The following NCS1 variants were observed in gnomAD, a reference collection of about 807,000 sequenced individuals.
NCS1 encodes neuronal calcium sensor 1, also known as frequenin homolog.
A neutral mutation model predicts 28.4 loss-of-function variants in NCS1; 6 were observed. That is an observed-to-expected ratio of 0.21 (90% CI 0.12 to 0.42). The LOEUF is 0.42. NCS1 is among the 10% of genes least tolerant of loss of function. The pLI, the probability that NCS1 is intolerant of heterozygous loss-of-function variation, is 1.00. For missense variants in NCS1, 131 were observed against 241.4 expected, an observed-to-expected ratio of 0.54 and a Z score of 3.03; for synonymous variants, 86 against 99.3, an observed-to-expected ratio of 0.87 and a Z score of 0.79.
chr9:130,212,532 C>T (rs73545575), intron 2 of NCS1, among the ~76,000 whole-genome samples: 2,118 of 149,648 alleles, frequency 0.014, 49 homozygotes, highest in African/African-American at 0.05. Flanking sequence ...ACAGGGAAAC[C>T]GAGGGGCGTT....
intron 1 of NCS1, among the ~76,000 whole-genome samples, chr9:130,195,168 C>T (rs1554906681): frequency 1.3e-5 from 2 of 152,222 alleles, no homozygotes; most frequent in African/African-American, 4.8e-5. Flanking sequence ...CAAACCAAGG[C>T]TCAGAGATGC....
chr9:130,196,341 G>GCTGCATCTGTCCCCTCT (rs1350017817), intron 1 of NCS1, among the ~76,000 whole-genome samples: 1 of 152,258 alleles, frequency 6.6e-6, no homozygotes, highest in Non-Finnish European at 1.5e-5. Flanking sequence ...CCCCGGCTCT[G>GCTGCATCTGTCCCCTCT]CTGCATCTGT....
Position 130,177,492 on chromosome 9 carries a change from G to A in NCS1, c.64+4765G>A, listed in dbSNP as rs1248089143. 1.3e-5 allele frequency among the ~76,000 whole-genome samples: 2 copies of A among 152,196 alleles called. No homozygotes were observed. Among genetic ancestry groups the A allele is most frequent in the East Asian group, 1.9e-4 (1 of 5,190 alleles). On this transcript the variant is annotated intron_variant, in intron 1 of 7. Coordinates refer to ENST00000372398, the MANE Select transcript of NCS1 (RefSeq NM_014286.4). The surrounding 1 kb of genome is among the most constrained non-coding windows in gnomAD (Gnocchi z 4.4). ...CCAAAGCAAGGGAGGGGCTTCGGCC[G>A]TCCCTGTACATCCCGTGTGCGTGGG... is the stretch of plus-strand genomic sequence containing the variant.
At chr9:130,203,897 G>A (rs892247104) in intron 2 of NCS1, among the ~76,000 whole-genome samples, 4 of 152,174 alleles carry the variant, frequency 2.6e-5, no homozygotes, top group African/African-American at 9.7e-5. Context: ...TCCCACACCT[G>A]GGCCTTCTCC....
chr9:130,172,980 C>T (rs1316386979), intron 1 of NCS1, among the ~76,000 whole-genome samples: 1 of 151,848 alleles, frequency 6.6e-6, no homozygotes, highest in African/African-American at 2.4e-5. Flanking sequence ...CCCCTAGGTC[C>T]GGAGGGGCAG....
At position 130,219,596 on chromosome 9, in the gene NCS1, C is replaced by G; in HGVS notation, c.229-129C>G. The G allele has an allele frequency of 1.2e-6, 1 of 816,148 alleles. No individual in the cohort carries two copies. 50.6% of individuals were successfully genotyped at this position (816,148 alleles called of 1,614,324 possible). A position where few individuals can be genotyped will look rare whatever the true frequency, so the allele number is the denominator to read the frequency against. On this transcript the variant is annotated intron_variant, in intron 3 of 7. Coordinates refer to ENST00000372398, the MANE Select transcript of NCS1 (RefSeq NM_014286.4). This position sits in a 1 kb window ranked among gnomAD's most constrained non-coding sequence, Gnocchi z 5.7. Reference sequence around the variant, plus strand: ...CGCCCCCCATTCCTTCGAGCCTGCCCTCTCCACCTGAGTGTCCATTGGCCA... The same window carrying G: ...CGCCCCCCATTCCTTCGAGCCTGCCGTCTCCACCTGAGTGTCCATTGGCCA...
In NCS1 at chr9:130,219,907, C is replaced by T; in HGVS notation, c.307+104C>T. 1.7e-6 allele frequency: 2 copies of T among 1,207,634 alleles called. No individual in the cohort carries two copies. The highest frequency in any genetic ancestry group is 2.4e-5 in the East Asian group (1 of 41,866). The allele number at this position is 1,207,634 out of a possible 1,614,324, so 74.8% of individuals were successfully genotyped here. ...AGGCAGGGGTGCCAGACACCCACTG[C>T]AGTGACCACAGATGGCGTCCCAGCT... On this transcript the variant is annotated intron_variant, in intron 4 of 7. Transcript: ENST00000372398. This position sits in a 1 kb window ranked among gnomAD's most constrained non-coding sequence, Gnocchi z 5.7.
intron 2 of NCS1, among the ~76,000 whole-genome samples, chr9:130,207,779 G>C (rs1311736905): frequency 6.6e-6 from 1 of 152,230 alleles, no homozygotes; most frequent in Non-Finnish European, 1.5e-5. Context: ...TCCGCACTGG[G>C]CATCCCACGG....
At chr9:130,206,448 G>A (rs1265304211) in intron 2 of NCS1, among the ~76,000 whole-genome samples, 4 of 129,944 alleles carry the variant, frequency 3.1e-5, no homozygotes, top group Non-Finnish European at 4.6e-5. Flanking sequence ...TCACTCGGTC[G>A]CCCAGGCTAG....
intron 1 of NCS1, among the ~76,000 whole-genome samples, chr9:130,189,894 A>ATATATATATG (rs1554906069): frequency 2.2e-5 from 3 of 133,702 alleles, no homozygotes; most frequent in African/African-American, 9.3e-5. Context: ...ATATATATAT[A>ATATATATATG]TATATATATA....
intron 2 of NCS1, among the ~76,000 whole-genome samples, chr9:130,214,903 G>A (rs1554909171): frequency 6.6e-6 from 1 of 152,206 alleles, no homozygotes; most frequent in Admixed American, 6.5e-5. Context: ...ACTGAAGCCA[G>A]TTTCCCTCTG....
chr9:130,224,390 TC>T (rs1833382764), intron 6 of NCS1, among the ~76,000 whole-genome samples: 2 of 69,014 alleles, frequency 2.9e-5, no homozygotes, highest in Admixed American at 1.8e-4. Context: ...AGACGCAGTC[TC>T]AAAAAAAAAA....
chr9:130,218,048 C>G (rs374128660), intron 3 of NCS1, 78 bp downstream of exon 3: 19 of 1,571,688 alleles, frequency 1.2e-5, no homozygotes, highest in South Asian at 7.8e-5. Flanking sequence ...CACCCACTCT[C>G]TCCTGCCGAT....
chr9:130,199,196 C>A (rs554322707), intron 1 of NCS1, among the ~76,000 whole-genome samples: 1 of 151,938 alleles, frequency 6.6e-6, no homozygotes, highest in African/African-American at 2.4e-5. Flanking sequence ...CGGGTTCAAG[C>A]GATTCTCCTG....
chr9:130,210,400 G>GA (rs3055585), intron 2 of NCS1, among the ~76,000 whole-genome samples: 45,247 of 125,052 alleles, frequency 0.36, 8,083 homozygotes, highest in African/African-American at 0.42. Flanking sequence ...CTCAGTCTTA[G>GA]AAAAAAAAAA....
rs1392071827 is a variant in NCS1 at position 130,233,795 on chromosome 9, A to C, written c.*823A>C. 6.6e-6 allele frequency: 1 copy of C among 152,436 alleles called. No homozygotes were observed. The highest frequency in any genetic ancestry group is 1.5e-5 in the Non-Finnish European group (1 of 68,032). The allele number at this position is 152,436 out of a possible 1,614,324, so 9.4% of individuals were successfully genotyped here. On this transcript the variant is annotated 3_prime_UTR_variant, in exon 8 of 8. Transcript: ENST00000372398. The surrounding 1 kb of genome is among the most constrained non-coding windows in gnomAD (Gnocchi z 4.8). ...CCTGCAGCGGCCAAGAAGCCAAAAA[A>C]AATTTTTTTTTTTTCAGATACTGTG...
intron 1 of NCS1, among the ~76,000 whole-genome samples, chr9:130,193,347 T>C (rs973884590): frequency 1.1e-4 from 17 of 151,334 alleles, no homozygotes; most frequent in African/African-American, 3.9e-4. Context: ...TGCTGGCAGC[T>C]GCAGGTGGGG....
intron 4 of NCS1, among the ~76,000 whole-genome samples, chr9:130,220,706 A>G (rs960577325): frequency 8.6e-5 from 13 of 151,556 alleles, no homozygotes. Context: ...ACTTCAGTCC[A>G]TCGGCAGCAA....
At chr9:130,189,878 AAATATATATATAT>A (rs1254595753) in intron 1 of NCS1, among the ~76,000 whole-genome samples, 12 of 51,982 alleles carry the variant, frequency 2.3e-4, no homozygotes, top group Non-Finnish European at 3.6e-4. Context: ...AAAAAAAAAA[AAATATATATATAT>A]ATATATATAT....
Sources: allele counts gnomAD v4.1 joint callset (sites outside exome capture counted in the v4.1 genomes callset), GRCh38; gene constraint gnomAD v4.1.1; non-coding constraint Gnocchi (gnomAD v3.1); transcripts MANE v1.5; gene names NCBI Gene and HGNC (gene_info 2026-07-23, HGNC 2026-07-21).